Variants in AP1M1 observed in about 807,000 individuals in gnomAD.
The protein encoded by AP1M1 is AP-1 complex subunit mu-1.
A neutral mutation model predicts 57.1 loss-of-function variants in AP1M1; 18 were observed. The observed-to-expected ratio is 0.32, with a 90% CI of 0.22 to 0.47. The LOEUF (loss-of-function observed/expected upper bound fraction) is 0.47. AP1M1 is among the 20% of genes least tolerant of loss of function. AP1M1 has a pLI of 1.00. For missense variants in AP1M1, 362 were observed against 593.5 expected, an observed-to-expected ratio of 0.61 and a Z score of 4.05; for synonymous variants, 241 against 237.9, an observed-to-expected ratio of 1.01 and a Z score of -0.12.
At chr19:16,204,833 C>CTT (rs11307046) in intron 2 of AP1M1, among the ~76,000 whole-genome samples, 44 of 133,340 alleles carry the variant, frequency 3.3e-4, no homozygotes, top group Admixed American at 1.9e-3. Context: ...TCTTAGGTGG[C>CTT]TTTTTTTTTT....
Position 16,206,275 on chromosome 19 carries a change from T to C in AP1M1, c.200-66T>C. 1 of 1,555,488 alleles carries C rather than the reference T, an allele frequency of 6.4e-7. No homozygotes were observed. The highest frequency in any genetic ancestry group is 8.9e-7 in the Non-Finnish European group (1 of 1,128,324). ...TTGTGAGGGTTAGGGGGTCCCTCCA[T>C]GAACCAGGATCTTCCAGGCAGCAGC... On this transcript the variant is annotated intron_variant, in intron 2 of 11. Coordinates refer to ENST00000291439, the MANE Select transcript of AP1M1 (RefSeq NM_032493.4). The surrounding 1 kb of genome is among the most constrained non-coding windows in gnomAD (Gnocchi z 4.3).
intron 1 of AP1M1, among the ~76,000 whole-genome samples, chr19:16,200,055 T>C (rs1013732124): frequency 1.6e-4 from 25 of 152,300 alleles, no homozygotes; most frequent in African/African-American, 4.3e-4. Flanking sequence ...TATGGAGTTA[T>C]TGTGCAGATT....
In AP1M1 at chr19:16,238,767, C is replaced by G. The variant is rs567228582; in HGVS notation, c.*4332C>G. The G allele has an allele frequency of 6.2e-4, 91 of 147,366 alleles. No individual in the cohort carries two copies. The highest frequency in any genetic ancestry group is 2.0e-3 in the African/African-American group (78 of 39,140). 9.1% of individuals were successfully genotyped at this position (147,366 alleles called of 1,614,324 possible). On this transcript the variant is annotated 3_prime_UTR_variant, in exon 12 of 12. Transcript: ENST00000291439. ...CAGGGTGTCACTCTGTTGCCCAGGC[C>G]AAAGTGCAGTGGCATGGTCACGGCT...
intron 1 of AP1M1, among the ~76,000 whole-genome samples, chr19:16,200,103 A>G (rs979647858): frequency 2.0e-5 from 3 of 152,080 alleles, no homozygotes; most frequent in Non-Finnish European, 4.4e-5. Flanking sequence ...AGCACCACCC[A>G]TGGTCCATGT....
At chr19:16,200,378 C>T (rs1000993402) in intron 1 of AP1M1, among the ~76,000 whole-genome samples, 51 of 152,288 alleles carry the variant, frequency 3.3e-4, no homozygotes, top group African/African-American at 1.0e-3. Context: ...AGCCAGAAGT[C>T]CTGGCTAATG....
chr19:16,217,465 C>T (rs1392192944), intron 5 of AP1M1, among the ~76,000 whole-genome samples: 1 of 152,134 alleles, frequency 6.6e-6, no homozygotes, highest in Non-Finnish European at 1.5e-5. Context: ...CAAAACTGCA[C>T]AGGGGAGGCT....
chr19:16,222,737 A>G (rs908973565), intron 5 of AP1M1, among the ~76,000 whole-genome samples: 1 of 151,874 alleles, frequency 6.6e-6, no homozygotes, highest in Admixed American at 6.6e-5. Flanking sequence ...TGTGCTGAGT[A>G]GCTGAGACCA....
At chr19:16,220,856 G>A (rs1031368783) in intron 5 of AP1M1, among the ~76,000 whole-genome samples, 4 of 152,136 alleles carry the variant, frequency 2.6e-5, no homozygotes, top group African/African-American at 9.7e-5. Flanking sequence ...ACTTTAATAT[G>A]TTATACCACT....
At chr19:16,205,486 C>T (rs2091465730) in intron 2 of AP1M1, among the ~76,000 whole-genome samples, 2 of 152,148 alleles carry the variant, frequency 1.3e-5, no homozygotes, top group South Asian at 2.1e-4. Context: ...GCGTCCCTTT[C>T]CTGGGCCCCT....
At chr19:16,219,832 TC>T in intron 5 of AP1M1, among the ~76,000 whole-genome samples, 1 of 152,360 alleles carries the variant, frequency 6.6e-6, no homozygotes, top group East Asian at 1.9e-4. Context: ...GGGTATGGAA[TC>T]TTCTACTTTT....
chr19:16,208,847 A>G (rs984758771), intron 4 of AP1M1, 183 bp from the exon 5 acceptor site: 9 of 615,900 alleles, frequency 1.5e-5, no homozygotes, highest in Non-Finnish European at 1.9e-5. Flanking sequence ...ATTTTTCTGT[A>G]TGAAGCAGCC....
chr19:16,229,461 G>A (rs1055018517), intron 9 of AP1M1, among the ~76,000 whole-genome samples: 7 of 152,210 alleles, frequency 4.6e-5, no homozygotes, highest in African/African-American at 1.7e-4. Flanking sequence ...TGGGCTTGCC[G>A]GGTGTACACA....
intron 1 of AP1M1, among the ~76,000 whole-genome samples, chr19:16,200,878 C>T (rs545741509): frequency 7.9e-5 from 12 of 152,316 alleles, no homozygotes; most frequent in African/African-American, 2.6e-4. Flanking sequence ...GGCTGTGGAG[C>T]GGCTCAGGCC....
chr19:16,213,863 C>A (rs1171898896), intron 5 of AP1M1, among the ~76,000 whole-genome samples: 1 of 152,136 alleles, frequency 6.6e-6, no homozygotes, highest in Non-Finnish European at 1.5e-5. Context: ...CCACTCTATG[C>A]CTTTTAATTG....
At chr19:16,204,157 G>A (rs2091460367) in intron 2 of AP1M1, among the ~76,000 whole-genome samples, 1 of 151,996 alleles carries the variant, frequency 6.6e-6, no homozygotes, top group South Asian at 2.1e-4. Context: ...GAGGACATGG[G>A]TAGGTGGGGA....
intron 9 of AP1M1, among the ~76,000 whole-genome samples, chr19:16,230,404 C>CTT (rs58625387): frequency 0.64 from 92,347 of 143,234 alleles, 32,129 homozygotes; most frequent in Non-Finnish European, 0.79. Flanking sequence ...ATACGGTAAC[C>CTT]TTTTTTTTTT....
In AP1M1 at chr19:16,198,438, G is replaced by A. The variant is rs140266801; in HGVS notation, c.42+370G>A. 6.1e-3 allele frequency: 999 copies of A among 165,092 alleles called. 7 individuals are homozygous for A. Among genetic ancestry groups the A allele is most frequent in the African/African-American group, 0.023 (951 of 42,062 alleles). 10.2% of individuals were successfully genotyped at this position (165,092 alleles called of 1,614,324 possible). A position where few individuals can be genotyped will look rare whatever the true frequency, so the allele number is the denominator to read the frequency against. On this transcript the variant is annotated intron_variant, in intron 1 of 11. Coordinates refer to ENST00000291439, the MANE Select transcript of AP1M1 (RefSeq NM_032493.4). ...GGCGTCCAGGGGCTGCGCGACCCTT[G>A]GCCGGGGGTGGCGAGGCGTGGCGGG... is the stretch of plus-strand genomic sequence containing the variant.
Position 16,245,528 on chromosome 19 carries a change from G to GT in AP1M1, c.*11093_*11094insT, listed in dbSNP as rs986007571. ...ACTCCTGGCCTCAAGTGATCCACCT[G>GT]CCTCGGCCTCCCAAAGTGCGGGGAG... On this transcript the variant is annotated 3_prime_UTR_variant, in exon 12 of 12. Transcript: ENST00000291439. 5.9e-5 allele frequency: 9 copies of GT among 152,294 alleles called. No homozygotes were observed. Among genetic ancestry groups the GT allele is most frequent in the African/African-American group, 2.2e-4 (9 of 41,414 alleles). 9.4% of individuals were successfully genotyped at this position (152,294 alleles called of 1,614,324 possible).
Position 16,204,715 on chromosome 19 carries a change from G to A in AP1M1, c.199+1100G>A, listed in dbSNP as rs76082407. On this transcript the variant is annotated intron_variant, in intron 2 of 11. Transcript: ENST00000291439. ...GTAGGAAGATTTGTTCCTGGTGGCC[G>A]GTGTGCACATTCCCATGTGGGCCGT... 5.8e-3 allele frequency among the ~76,000 whole-genome samples: 879 copies of A among 152,272 alleles called. 17 individuals carry two copies. The highest frequency in any genetic ancestry group is 0.019 in the African/African-American group (803 of 41,550).
Sources: allele counts gnomAD v4.1 joint callset (sites outside exome capture counted in the v4.1 genomes callset), GRCh38; gene constraint gnomAD v4.1.1; non-coding constraint Gnocchi (gnomAD v3.1); transcripts MANE v1.5; gene names NCBI Gene and HGNC (gene_info 2026-07-23, HGNC 2026-07-21).